Variants in GSE1 observed in about 807,000 individuals in gnomAD.
GSE1 encodes the protein Gse1 coiled-coil protein.
In GSE1, 32 loss-of-function variants were observed where a neutral mutation model predicts 112.6. The observed-to-expected ratio is 0.28, with a 90% CI of 0.21 to 0.38. The LOEUF (loss-of-function observed/expected upper bound fraction) is 0.38. Ranked by LOEUF, GSE1 falls within the 10% of genes least tolerant of loss-of-function variation. The pLI, the probability that GSE1 is intolerant of heterozygous loss-of-function variation, is 1.00. For missense variants in GSE1, 2,348 were observed against 1,699.2 expected, an observed-to-expected ratio of 1.38 and a Z score of -6.71; for synonymous variants, 1,115 against 735.6, an observed-to-expected ratio of 1.52 and a Z score of -8.35.
intron 1 of GSE1, among the ~76,000 whole-genome samples, chr16:85,307,100 C>T (rs2045699631): frequency 6.7e-6 from 1 of 149,566 alleles, no homozygotes; most frequent in South Asian, 2.1e-4. Flanking sequence ...GTGCTCTGGT[C>T]ACACGTACAG....
intron 1 of GSE1, among the ~76,000 whole-genome samples, chr16:85,623,641 A>C (rs111831790): frequency 0.02 from 3,004 of 152,282 alleles, 56 homozygotes; most frequent in African/African-American, 0.044. Flanking sequence ...CGGTGCCTGC[A>C]GGCAGGCACA....
intron 1 of GSE1, among the ~76,000 whole-genome samples, chr16:85,566,055 C>G (rs1018587520): frequency 6.6e-6 from 1 of 152,074 alleles, no homozygotes; most frequent in African/African-American, 2.4e-5. Flanking sequence ...GGGCCAGTAG[C>G]GGAGCCTGCC....
intron 1 of GSE1, among the ~76,000 whole-genome samples, chr16:85,273,617 C>T (rs973736007): frequency 3.3e-5 from 5 of 152,058 alleles, no homozygotes; most frequent in African/African-American, 1.2e-4. Flanking sequence ...TCCATAGGGT[C>T]GGAAAGCAGA....
At chr16:85,282,962 G>C (rs1324251813) in intron 1 of GSE1, 1 of 152,340 alleles carries the variant, frequency 6.6e-6, no homozygotes, top group Non-Finnish European at 1.5e-5. Context: ...GTTGGAGTTG[G>C]ACATCAGCTG....
Position 85,205,783 on chromosome 16 carries a change from C to T in GSE1, c.2283+33976C>T, listed in dbSNP as rs1183328735. ...CCCAGGGGCCCATCTGTGAAATCCTCGCAGACTGGGAGGACATTTGAACTG... is the reference window on the plus strand; with the variant it reads ...CCCAGGGGCCCATCTGTGAAATCCTTGCAGACTGGGAGGACATTTGAACTG... On this transcript the variant is annotated intron_variant, in intron 1 of 2. Coordinates refer to the GSE1 transcript ENST00000637419. Among the ~76,000 whole-genome samples, 8 of 152,158 alleles carry T rather than the reference C, an allele frequency of 5.3e-5. No homozygotes were observed. In the East Asian group the frequency reaches 9.7e-4, roughly 18 times the overall value.
intron 2 of GSE1, among the ~76,000 whole-genome samples, chr16:85,487,239 C>G (rs2050871057): frequency 6.6e-6 from 1 of 152,194 alleles, no homozygotes; most frequent in Non-Finnish European, 1.5e-5. Flanking sequence ...AGGAAAAATT[C>G]TGCATTTACA....
intron 1 of GSE1, among the ~76,000 whole-genome samples, chr16:85,558,824 T>C (rs2045372112): frequency 6.6e-6 from 1 of 152,200 alleles, no homozygotes; most frequent in Non-Finnish European, 1.5e-5. Flanking sequence ...GGGCTGGGGT[T>C]AACGCATTGA....
intron 1 of GSE1, among the ~76,000 whole-genome samples, chr16:85,175,577 C>T (rs1168438572): frequency 5.3e-5 from 8 of 152,338 alleles, no homozygotes; most frequent in South Asian, 2.1e-4. Context: ...CCCCCGCCCC[C>T]GTGAAGTGCT....
At chr16:85,337,917 G>A (rs574716551) in intron 1 of GSE1, among the ~76,000 whole-genome samples, 2 of 152,376 alleles carry the variant, frequency 1.3e-5, no homozygotes, top group South Asian at 4.1e-4. Flanking sequence ...TCTCAGGCAG[G>A]ACCCAGCCTG....
intron 2 of GSE1, among the ~76,000 whole-genome samples, chr16:85,431,205 C>T (rs1007013477): frequency 8.5e-5 from 13 of 152,278 alleles, no homozygotes; most frequent in Non-Finnish European, 1.2e-4. Context: ...ACGTGAGGGG[C>T]GCGCAGGAGC....
intron 1 of GSE1, among the ~76,000 whole-genome samples, chr16:85,259,102 A>C (rs1907394913): frequency 6.6e-6 from 1 of 152,090 alleles, no homozygotes; most frequent in Non-Finnish European, 1.5e-5. Context: ...ATAGGGGCTC[A>C]GTGCAAGGGA....
chr16:85,656,076 T>C (rs1289694631), intron 6 of GSE1, among the ~76,000 whole-genome samples, 159 bp downstream of exon 6: 1 of 151,908 alleles, frequency 6.6e-6, no homozygotes, highest in Admixed American at 6.6e-5. Context: ...CAGGCTCTGC[T>C]CTGAAATAGC....
intron 2 of GSE1, among the ~76,000 whole-genome samples, chr16:85,376,108 C>T (rs184300202): frequency 1.1e-4 from 17 of 152,276 alleles, no homozygotes; most frequent in African/African-American, 3.9e-4. Context: ...TCCTCACCCC[C>T]GCCAAAGAAG....
chr16:85,408,509 TACACTCAG>T (rs1567745323), intron 2 of GSE1, among the ~76,000 whole-genome samples: 3 of 51,542 alleles, frequency 5.8e-5, no homozygotes, highest in Non-Finnish European at 1.2e-4. Flanking sequence ...TCCTCACTGT[TACACTCAG>T]GCCCCCTGGA....
At position 85,663,676 on chromosome 16, in the gene GSE1, A is replaced by T; in HGVS notation, c.2644+62A>T. ...TGGGGTGGAAGTGGGTTTCTGAAGC[A>T]GCAGGTGGGGCCGGTGGACTCCAGG... On this transcript the variant is annotated intron_variant, in intron 11 of 15. Coordinates refer to ENST00000253458, the MANE Select transcript of GSE1 (RefSeq NM_014615.5). 3 of 1,521,880 alleles carry T rather than the reference A, an allele frequency of 2.0e-6. No individual in the cohort carries two copies. The South Asian group carries it at 3.6e-5, about 18-fold the overall frequency. 94.3% of individuals were successfully genotyped at this position (1,521,880 alleles called of 1,614,324 possible).
chr16:85,341,613 C>A (rs1346052868), intron 1 of GSE1, among the ~76,000 whole-genome samples: 1 of 152,122 alleles, frequency 6.6e-6, no homozygotes, highest in African/African-American at 2.4e-5. Context: ...GCAGAGATCA[C>A]ACCACTGCAC....
intron 2 of GSE1, among the ~76,000 whole-genome samples, chr16:85,522,320 TAA>T (rs900663125): frequency 6.6e-6 from 1 of 151,954 alleles, no homozygotes; most frequent in African/African-American, 2.4e-5. Flanking sequence ...GGGTCAGGTA[TAA>T]AAGATGTCCA....
chr16:85,372,354 C>T (rs2047318640), intron 2 of GSE1, among the ~76,000 whole-genome samples: 1 of 152,032 alleles, frequency 6.6e-6, no homozygotes, highest in Admixed American at 6.5e-5. Context: ...TGGCTCATGC[C>T]TGTGGTCCCA....
chr16:85,607,379 C>A (rs973094222), upstream of GSE1, among the ~76,000 whole-genome samples: 2 of 152,232 alleles, frequency 1.3e-5, no homozygotes, highest in Admixed American at 6.5e-5. Context: ...GCTTTCCAGC[C>A]GCGGTGGCGG....
Sources: gnomAD v4.1 joint callset for allele counts (sites outside exome capture counted in the v4.1 genomes callset) on GRCh38, gnomAD v4.1.1 for gene constraint, MANE v1.5 for transcripts, NCBI Gene and HGNC (gene_info 2026-07-23, HGNC 2026-07-21) for gene names.